The following PDIA6 variants were observed in gnomAD, a reference collection of about 807,000 sequenced individuals.
The protein encoded by PDIA6 is protein disulfide isomerase family A member 6.
A neutral mutation model predicts 58.4 loss-of-function variants in PDIA6; 29 were observed. The observed-to-expected ratio is 0.50, with a 90% CI of 0.37 to 0.68. The LOEUF (loss-of-function observed/expected upper bound fraction) is 0.68. Among genes scored for constraint, PDIA6 ranks in the 30% least tolerant of loss-of-function variants. The pLI is 0.00. For synonymous variants in PDIA6, 192 were observed against 202.6 expected (o/e 0.95, Z 0.44); for missense variants, 480 against 551.0 (o/e 0.87, Z 1.29).
intron 1 of PDIA6, among the ~76,000 whole-genome samples, chr2:10,808,748 T>C (rs1399039220): frequency 6.6e-6 from 1 of 152,222 alleles, no homozygotes; most frequent in East Asian, 1.9e-4. Flanking sequence ...TAGCTACATG[T>C]GGCTACCCCA....
Position 10,802,526 on chromosome 2 carries a change from AAACT to A in PDIA6, c.130_133del (p.Ser44CysfsTer4). Reference sequence around the variant, plus strand: ...TGGAGCATAGAATTCTACAAGCCACAAACTATCACTCTGAATAACTTCTCGGTTG... The same window carrying A: ...TGGAGCATAGAATTCTACAAGCCACAATCACTCTGAATAACTTCTCGGTTG... On this transcript the variant is annotated frameshift_variant, in exon 2 of 13. Coordinates refer to ENST00000272227, the MANE Select transcript of PDIA6 (RefSeq NM_005742.4). LOFTEE classifies it high-confidence loss of function. 3 of 1,444,214 alleles carry A rather than the reference AAACT, an allele frequency of 2.1e-6. No homozygotes were observed. The highest frequency in any genetic ancestry group is 2.7e-6 in the Non-Finnish European group (3 of 1,093,306). 89.5% of individuals were successfully genotyped at this position (1,444,214 alleles called of 1,614,324 possible).
At chr2:10,837,596 T>C in exon 1 of PDIA6, 1 of 924,500 alleles carries the variant, frequency 1.1e-6, no homozygotes, top group South Asian at 1.4e-5. Flanking sequence ...GGGGCTGTGA[T>C]TATCCTCATT....
intron 2 of PDIA6, among the ~76,000 whole-genome samples, chr2:10,800,485 A>G (rs1666456152): frequency 6.6e-6 from 1 of 152,170 alleles, no homozygotes; most frequent in African/African-American, 2.4e-5. Flanking sequence ...CTACATTAAC[A>G]TCAAAATTTT....
At position 10,821,745 on chromosome 2, in the gene PDIA6, C is replaced by T. The variant is rs775695366; in HGVS notation, c.-47-2391G>A. On this transcript the variant is annotated intron_variant, in intron 1 of 13. Coordinates refer to the PDIA6 transcript ENST00000381611. ...GCTCAAGTGATCCCCCTGCCTCAGG[C>T]TCCCAAGTAATTGTGACCACAGGCA... Among the ~76,000 whole-genome samples the T allele has an allele frequency of 6.6e-4, 101 of 152,110 alleles. 1 individual carries two copies. The highest frequency in any genetic ancestry group is 1.0e-3 in the South Asian group (5 of 4,808).
At chr2:10,800,939 C>A (rs565804323) in intron 2 of PDIA6, among the ~76,000 whole-genome samples, 67 of 152,108 alleles carry the variant, frequency 4.4e-4, no homozygotes, top group African/African-American at 1.5e-3. Flanking sequence ...GAATCCAAGG[C>A]CTTCACCAAG....
chr2:10,806,906 A>G (rs529216303), intron 1 of PDIA6, among the ~76,000 whole-genome samples: 24 of 152,326 alleles, frequency 1.6e-4, no homozygotes, highest in Admixed American at 6.5e-4. Context: ...TATACCATGT[A>G]GCCTAGGTTT....
chr2:10,800,451 T>G (rs1666454255), intron 2 of PDIA6, among the ~76,000 whole-genome samples: 1 of 152,224 alleles, frequency 6.6e-6, no homozygotes, highest in South Asian at 2.1e-4. Flanking sequence ...ATGTTCAACC[T>G]GTACTTACTG....
intron 10 of PDIA6, 39 bp from the exon 11 acceptor site, chr2:10,787,478 T>G: frequency 6.4e-7 from 1 of 1,566,550 alleles, no homozygotes; most frequent in Non-Finnish European, 8.6e-7. Flanking sequence ...AATATGTCTT[T>G]TAAATTGCTT....
At chr2:10,797,855 T>C in intron 2 of PDIA6, 98 bp from the exon 3 acceptor site, 1 of 866,990 alleles carries the variant, frequency 1.2e-6, no homozygotes, top group South Asian at 1.5e-5. Context: ...AATGGTCTAT[T>C]GAATGAGATG....
chr2:10,830,802 C>A (rs777834701), intron 1 of PDIA6, among the ~76,000 whole-genome samples: 1 of 152,210 alleles, frequency 6.6e-6, no homozygotes, highest in Non-Finnish European at 1.5e-5. Context: ...ACTCCACCTG[C>A]GCAGAGTGGG....
intron 1 of PDIA6, among the ~76,000 whole-genome samples, chr2:10,826,454 G>C (rs541265663): frequency 1.8e-4 from 27 of 152,242 alleles, no homozygotes; most frequent in African/African-American, 6.5e-4. Context: ...CTGCCTCCTG[G>C]ATTCAAGCCA....
intron 7 of PDIA6, 121 bp from the exon 8 acceptor site, chr2:10,790,010 A>T (rs1011889323): frequency 1.0e-4 from 80 of 769,238 alleles, no homozygotes; most frequent in Non-Finnish European, 1.6e-4. Flanking sequence ...AAGCAGTCTC[A>T]CTCTGTTGCC....
chr2:10,785,436 G>A (rs928682704), intron 11 of PDIA6, among the ~76,000 whole-genome samples: 5 of 152,196 alleles, frequency 3.3e-5, no homozygotes, highest in Admixed American at 2.6e-4. Context: ...GTTCCAGTGC[G>A]CTGGCAGAGA....
Position 10,827,450 on chromosome 2 carries a change from C to T in PDIA6, c.-48+4752G>A, listed in dbSNP as rs143930037. Among the ~76,000 whole-genome samples, 272 of 152,266 alleles carry T rather than the reference C, an allele frequency of 1.8e-3. 6 individuals carry two copies. In the East Asian group the frequency reaches 0.05, roughly 28 times the overall value. Reference sequence around the variant, plus strand: ...AGAGGAGAACCTTCCTATGTGCTGGCAACATCTGTCTACAACAGTGTCTGC... The same window carrying T: ...AGAGGAGAACCTTCCTATGTGCTGGTAACATCTGTCTACAACAGTGTCTGC... On this transcript the variant is annotated intron_variant, in intron 1 of 13. Transcript: ENST00000381611.
At chr2:10,819,280 C>T (rs1240764478) in exon 2 of PDIA6, 2 of 1,523,554 alleles carry the variant, frequency 1.3e-6, no homozygotes, top group Non-Finnish European at 8.9e-7. Flanking sequence ...TTACCGGGTG[C>T]ATTAGCCATG....
chr2:10,806,816 G>T (rs997791473), intron 1 of PDIA6, among the ~76,000 whole-genome samples: 5 of 151,992 alleles, frequency 3.3e-5, no homozygotes, highest in African/African-American at 7.2e-5. Context: ...ATACACAAAT[G>T]CTTGCCATTG....
At chr2:10,788,614 A>T in intron 10 of PDIA6, 83 bp downstream of exon 10, 1 of 936,544 alleles carries the variant, frequency 1.1e-6, no homozygotes, top group Non-Finnish European at 1.7e-6. Flanking sequence ...AACACAGCTT[A>T]CAAAAACACG....
intron 1 of PDIA6, among the ~76,000 whole-genome samples, chr2:10,806,628 C>CAAAGAAAAGAAAGAAAGAA (rs142782761): frequency 1.4e-5 from 1 of 70,366 alleles, no homozygotes; most frequent in Non-Finnish European, 3.9e-5. Flanking sequence ...AAAATAAAGA[C>CAAAGAAAAGAAAGAAAGAA]AGAAAGAAAG....
intron 1 of PDIA6, among the ~76,000 whole-genome samples, chr2:10,830,113 A>C (rs1216516926): frequency 6.6e-6 from 1 of 152,168 alleles, no homozygotes; most frequent in African/African-American, 2.4e-5. Flanking sequence ...TGGGAGGTAG[A>C]GGGGCCGCTC....
Sources: allele counts gnomAD v4.1 joint callset (sites outside exome capture counted in the v4.1 genomes callset), GRCh38; gene constraint gnomAD v4.1.1; transcripts MANE v1.5; gene names NCBI Gene and HGNC (gene_info 2026-07-23, HGNC 2026-07-21).